The following PARP8 variants were observed in gnomAD, a reference collection of about 807,000 sequenced individuals.
PARP8 encodes poly(ADP-ribose) polymerase family member 8.
Under a neutral mutation model 124.1 loss-of-function variants are expected in PARP8, and 51 were observed. That is an observed-to-expected ratio of 0.41 (90% CI 0.33 to 0.52). The LOEUF (loss-of-function observed/expected upper bound fraction) is 0.52. Among genes scored for constraint, PARP8 ranks in the 20% least tolerant of loss-of-function variants. The pLI, the probability that PARP8 is intolerant of heterozygous loss-of-function variation, is 0.21. For synonymous variants in PARP8, 391 were observed against 361.5 expected, an observed-to-expected ratio of 1.08 and a Z score of -0.93; for missense variants, 860 against 1,018.9, an observed-to-expected ratio of 0.84 and a Z score of 2.12.
Position 50,722,296 on chromosome 5 carries a change from A to G in PARP8, c.147-27855A>G, listed in dbSNP as rs141246468. On this transcript the variant is annotated intron_variant, in intron 2 of 25. Transcript: ENST00000281631. ...TCAAGTAAATATTAAGGCATTTTATAATAAGCCAAATGTATGACTAAGGTT... is the reference window on the plus strand; with the variant it reads ...TCAAGTAAATATTAAGGCATTTTATGATAAGCCAAATGTATGACTAAGGTT... 3.1e-3 allele frequency among the ~76,000 whole-genome samples: 473 copies of G among 152,240 alleles called. 2 individuals carry two copies. The highest frequency in any genetic ancestry group is 0.024 in the Middle Eastern group (7 of 294).
intron 10 of PARP8, among the ~76,000 whole-genome samples, chr5:50,790,280 C>T (rs1369546329): frequency 6.6e-6 from 1 of 152,086 alleles, no homozygotes; most frequent in Non-Finnish European, 1.5e-5. Flanking sequence ...GATAAATTTT[C>T]TCAGTTTTCC....
At chr5:50,698,276 C>T (rs534896314) in intron 2 of PARP8, among the ~76,000 whole-genome samples, 45 of 152,292 alleles carry the variant, frequency 3.0e-4, no homozygotes, top group Non-Finnish European at 4.9e-4. Flanking sequence ...ATTTATGTGT[C>T]TGCCACTCTG....
At chr5:50,705,442 A>G (rs1754035335) in intron 2 of PARP8, among the ~76,000 whole-genome samples, 1 of 152,182 alleles carries the variant, frequency 6.6e-6, no homozygotes, top group African/African-American at 2.4e-5. Context: ...AAATAAGAAG[A>G]TATAAATGAT....
intron 18 of PARP8, 103 bp from the exon 19 acceptor site, chr5:50,826,652 T>A: frequency 7.2e-7 from 1 of 1,394,890 alleles, no homozygotes; most frequent in Non-Finnish European, 9.5e-7. Context: ...CAAGTTTAGT[T>A]TATGGCACAG....
intron 10 of PARP8, among the ~76,000 whole-genome samples, chr5:50,791,390 A>G (rs545313830): frequency 6.6e-5 from 10 of 152,310 alleles, no homozygotes; most frequent in South Asian, 2.1e-4. Flanking sequence ...ACAGTCACAC[A>G]GCGAGAAAGT....
chr5:50,747,037 T>A (rs1475550802), intron 2 of PARP8, among the ~76,000 whole-genome samples: 5 of 151,844 alleles, frequency 3.3e-5, no homozygotes, highest in South Asian at 2.1e-4. Context: ...CTAAAAAAAA[T>A]TTTTTTTAAA....
intron 21 of PARP8, 61 bp from the exon 22 acceptor site, chr5:50,829,831 C>T (rs1746746390): frequency 6.8e-7 from 1 of 1,463,616 alleles, no homozygotes; most frequent in African/African-American, 1.4e-5. Flanking sequence ...ATTGCTTTGT[C>T]AAATATTATC....
At chr5:50,777,108 C>T (rs559029697) in intron 7 of PARP8, among the ~76,000 whole-genome samples, 3 of 152,282 alleles carry the variant, frequency 2.0e-5, no homozygotes, top group African/African-American at 7.2e-5. Context: ...AACTAAAATA[C>T]ATGTATTCAA....
intron 10 of PARP8, among the ~76,000 whole-genome samples, chr5:50,790,350 G>T (rs1221844094): frequency 3.9e-5 from 6 of 152,082 alleles, no homozygotes; most frequent in Non-Finnish European, 5.9e-5. Context: ...ATTGGATTTT[G>T]TTTCCTGCAT....
intron 2 of PARP8, among the ~76,000 whole-genome samples, chr5:50,717,126 T>C (rs1755396659): frequency 6.6e-6 from 1 of 152,056 alleles, no homozygotes; most frequent in South Asian, 2.1e-4. Context: ...TGTAAATATA[T>C]ACTGAATTAT....
chr5:50,751,762 C>T (rs1310054529), intron 3 of PARP8, among the ~76,000 whole-genome samples: 1 of 152,074 alleles, frequency 6.6e-6, no homozygotes, highest in Non-Finnish European at 1.5e-5. Flanking sequence ...AAAATCAAGT[C>T]TGTAATTCAG....
At chr5:50,697,139 C>T (rs1267691914) in intron 2 of PARP8, among the ~76,000 whole-genome samples, 1 of 152,104 alleles carries the variant, frequency 6.6e-6, no homozygotes, top group Non-Finnish European at 1.5e-5. Context: ...GCCTATAATC[C>T]CAGCTACTCA....
chr5:50,733,626 A>G (rs1290138062), intron 2 of PARP8, among the ~76,000 whole-genome samples: 1 of 152,316 alleles, frequency 6.6e-6, no homozygotes, highest in East Asian at 1.9e-4. Context: ...TGGTTGAATA[A>G]TTTAGAAAAT....
At position 50,844,547 on chromosome 5, in the gene PARP8, C is replaced by T. The variant is rs1261213669; in HGVS notation, c.*2479C>T. 2.0e-5 allele frequency: 3 copies of T among 151,660 alleles called. No homozygotes were observed. Among genetic ancestry groups the T allele is most frequent in the African/African-American group, 7.3e-5 (3 of 41,358 alleles). 9.4% of individuals were successfully genotyped at this position (151,660 alleles called of 1,614,324 possible). On this transcript the variant is annotated 3_prime_UTR_variant, in exon 26 of 26. Coordinates refer to ENST00000281631, the MANE Select transcript of PARP8 (RefSeq NM_024615.4). ...ATTCAGTCATTCATTAAAATATTAT[C>T]TATTCACTTATTTGATGATTCCAAA... is the stretch of plus-strand genomic sequence containing the variant.
intron 18 of PARP8, 75 bp downstream of exon 18, chr5:50,825,050 C>A: frequency 8.0e-7 from 1 of 1,243,962 alleles, no homozygotes; most frequent in Non-Finnish European, 1.2e-6. Context: ...AAAAACCAAA[C>A]AAACAAAAGT....
intron 7 of PARP8, among the ~76,000 whole-genome samples, chr5:50,769,777 A>G (rs1289259241): frequency 6.6e-6 from 1 of 152,006 alleles, no homozygotes; most frequent in African/African-American, 2.4e-5. Flanking sequence ...TAAATCTTGT[A>G]TACATGGAAG....
At chr5:50,839,231 C>T (rs896634735) in intron 25 of PARP8, among the ~76,000 whole-genome samples, 1 of 151,968 alleles carries the variant, frequency 6.6e-6, no homozygotes, top group African/African-American at 2.4e-5. Flanking sequence ...TCTTTTTACA[C>T]TCCTGGGAAT....
At chr5:50,805,031 A>T (rs1743671134) in intron 14 of PARP8, among the ~76,000 whole-genome samples, 1 of 152,092 alleles carries the variant, frequency 6.6e-6, no homozygotes, top group Admixed American at 6.6e-5. Context: ...GGGTTGCTGC[A>T]AGTTTTAAAA....
At chr5:50,737,458 CAT>C (rs1225788486) in intron 2 of PARP8, among the ~76,000 whole-genome samples, 1 of 152,122 alleles carries the variant, frequency 6.6e-6, no homozygotes, top group East Asian at 1.9e-4. Flanking sequence ...CAGTGAGAAT[CAT>C]ATGCTGTTTT....
Sources: gnomAD v4.1 joint callset for allele counts (sites outside exome capture counted in the v4.1 genomes callset) on GRCh38, gnomAD v4.1.1 for gene constraint, MANE v1.5 for transcripts, NCBI Gene and HGNC (gene_info 2026-07-23, HGNC 2026-07-21) for gene names.